Variants in SLC25A26 observed in about 807,000 individuals in gnomAD.
SLC25A26 encodes the protein mitochondrial S-adenosylmethionine carrier protein.
A neutral mutation model predicts 37.8 loss-of-function variants in SLC25A26; 36 were observed. The ratio of observed to expected loss-of-function variants is 0.95; its 90% CI spans 0.73 to 1.26. The LOEUF is 1.26. SLC25A26 is among the 50% of genes most tolerant of loss of function. The pLI is 0.00. For missense variants in SLC25A26, 390 were observed against 331.1 expected (o/e 1.18, Z -1.38); for synonymous variants, 129 against 122.5 (o/e 1.05, Z -0.35).
At chr3:66,237,873 C>G (rs1048642753) in intron 2 of SLC25A26, among the ~76,000 whole-genome samples, 4 of 152,068 alleles carry the variant, frequency 2.6e-5, no homozygotes, top group African/African-American at 4.8e-5. Context: ...TTTTCTCTTA[C>G]GTTAACCTGA....
At chr3:66,287,295 CAA>C (rs532447022) in intron 5 of SLC25A26, among the ~76,000 whole-genome samples, 23 of 92,076 alleles carry the variant, frequency 2.5e-4, no homozygotes, top group Admixed American at 3.6e-4. Context: ...GACTCCGTCT[CAA>C]AAAAAAAAAA....
chr3:66,376,280 A>T (rs534782352), intron 9 of SLC25A26, among the ~76,000 whole-genome samples: 1 of 152,204 alleles, frequency 6.6e-6, no homozygotes, highest in Admixed American at 6.5e-5. Context: ...AGTTGAGAAA[A>T]CAGTGGCAGA....
chr3:66,359,208 A>G (rs76391651), intron 6 of SLC25A26, among the ~76,000 whole-genome samples: 13 of 151,908 alleles, frequency 8.6e-5, no homozygotes, highest in East Asian at 3.9e-4. Context: ...CTGGCAACCA[A>G]TTTTTTTCTC....
At position 66,262,073 on chromosome 3, in the gene SLC25A26, C is replaced by T; in HGVS notation, c.323C>T (p.Pro108Leu). Residue 108 changes from proline (P) to leucine (L), a missense_variant, in exon 4 of 10, where the codon CCA (proline) becomes CTA (leucine). Coordinates refer to ENST00000354883, the MANE Select transcript of SLC25A26 (RefSeq NM_001379210.1). Reference sequence around the variant, plus strand: ...TAGGTTGCCTGCCTGATTCGAGTTCCATCTGAAGTGGTTAAGCAGAGGGCA... The same window carrying T: ...TAGGTTGCCTGCCTGATTCGAGTTCTATCTGAAGTGGTTAAGCAGAGGGCA... Reference protein sequence around the residue: ...GEVVACLIRVPSEVVKQRAQV... With the variant: ...GEVVACLIRVLSEVVKQRAQV... 1 of 1,585,978 alleles carries T rather than the reference C, an allele frequency of 6.3e-7. No individual in the cohort carries two copies. The highest frequency in any genetic ancestry group is 2.3e-5 in the East Asian group (1 of 44,314).
At chr3:66,255,948 T>C (rs2073282234) in intron 3 of SLC25A26, among the ~76,000 whole-genome samples, 1 of 152,194 alleles carries the variant, frequency 6.6e-6, no homozygotes, top group Non-Finnish European at 1.5e-5. Flanking sequence ...GGAGAGGCTT[T>C]TCAAAGTTTT....
chr3:66,264,837 C>T (rs1240599596), intron 5 of SLC25A26, among the ~76,000 whole-genome samples: 2 of 152,202 alleles, frequency 1.3e-5, no homozygotes, highest in African/African-American at 4.8e-5. Context: ...TCAGTCTGGA[C>T]TGGAGTCCTG....
chr3:66,349,577 G>A (rs1247809291), intron 6 of SLC25A26, among the ~76,000 whole-genome samples: 3 of 151,972 alleles, frequency 2.0e-5, no homozygotes, highest in Admixed American at 2.0e-4. Context: ...ATATGTGTAT[G>A]GATATGCTAC....
At chr3:66,282,632 A>C (rs972472526) in intron 5 of SLC25A26, among the ~76,000 whole-genome samples, 11 of 152,234 alleles carry the variant, frequency 7.2e-5, no homozygotes, top group African/African-American at 2.7e-4. Flanking sequence ...GCAGAAAAAA[A>C]AATTAAATTA....
intron 1 of SLC25A26, among the ~76,000 whole-genome samples, chr3:66,165,293 C>T (rs1195675709): frequency 3.3e-5 from 5 of 152,232 alleles, no homozygotes; most frequent in Non-Finnish European, 7.3e-5. Flanking sequence ...GATATCTTGA[C>T]TGCAACCTCA....
intron 1 of SLC25A26, among the ~76,000 whole-genome samples, chr3:66,153,946 G>A (rs1690667233): frequency 6.6e-6 from 1 of 152,166 alleles, no homozygotes; most frequent in African/African-American, 2.4e-5. Context: ...CTTTCTGTCC[G>A]TAATGTGAGA....
Position 66,336,389 on chromosome 3 carries a change from T to TG in SLC25A26, c.454-9972dup, listed in dbSNP as rs145666606. Among the ~76,000 whole-genome samples the TG allele has an allele frequency of 3.7e-3, 566 of 152,056 alleles. 5 individuals are homozygous for TG. Among genetic ancestry groups the TG allele is most frequent in the African/African-American group, 0.013 (529 of 41,488 alleles). On this transcript the variant is annotated intron_variant, in intron 5 of 9. Coordinates refer to ENST00000354883, the MANE Select transcript of SLC25A26 (RefSeq NM_001379210.1). ...GCTGAAAGGGAAGGAAAGTTGGGGG[T>TG]GGGAAAGACAATGGAACTGTACACA... is the stretch of plus-strand genomic sequence containing the variant.
intron 5 of SLC25A26, among the ~76,000 whole-genome samples, chr3:66,286,513 T>A (rs1305750685): frequency 6.6e-6 from 1 of 152,142 alleles, no homozygotes; most frequent in African/African-American, 2.4e-5. Context: ...CAGATTTGTA[T>A]GGGTCTGTAG....
intron 5 of SLC25A26, among the ~76,000 whole-genome samples, chr3:66,311,278 A>G (rs1229082231): frequency 2.0e-5 from 3 of 151,836 alleles, no homozygotes; most frequent in African/African-American, 4.8e-5. Context: ...TGCTTGATCG[A>G]TTCGGCTATT....
At position 66,159,397 on chromosome 3, in the gene SLC25A26, C is replaced by A. The variant is rs1440448307; in HGVS notation, c.-354+25413C>A. The stretch of plus-strand genomic sequence containing the variant: ...CCTGGTGTTTTTCATTACTGTTTTA[C>A]AGACTGGAAGAAAATAGATTTTGTG... On this transcript the variant is annotated intron_variant, in intron 1 of 10. Transcript: ENST00000676754. 6.6e-5 allele frequency among the ~76,000 whole-genome samples: 10 copies of A among 152,200 alleles called. No individual in the cohort carries two copies. The East Asian group carries it at 1.7e-3, about 26-fold the overall frequency.
intron 5 of SLC25A26, among the ~76,000 whole-genome samples, chr3:66,335,343 A>G (rs1055319570): frequency 1.4e-4 from 21 of 152,228 alleles, no homozygotes; most frequent in Non-Finnish European, 2.9e-5. Context: ...TGGGATGTGT[A>G]TCTGTGCATA....
chr3:66,234,319 C>T (rs1296708875), intron 1 of SLC25A26, among the ~76,000 whole-genome samples: 1 of 152,180 alleles, frequency 6.6e-6, no homozygotes, highest in Non-Finnish European at 1.5e-5. Flanking sequence ...GACAATTGGC[C>T]TTTTTACTTT....
rs1022829427 is a variant in SLC25A26, at chr3:66,378,714, C to T, written c.*907C>T. 6 of 152,444 alleles carry T rather than the reference C, an allele frequency of 3.9e-5. No homozygotes were observed. The highest frequency in any genetic ancestry group is 7.4e-5 in the Non-Finnish European group (5 of 68,012). The allele number at this position is 152,444 out of a possible 1,614,324, so 9.4% of individuals were successfully genotyped here. ...AAACAAACAGTATGTGATTTTGCTT[C>T]GCCTATTTTTTTTTTCTTTTTTGGG... is the stretch of plus-strand genomic sequence containing the variant. On this transcript the variant is annotated 3_prime_UTR_variant, in exon 10 of 10. Transcript: ENST00000354883.
intron 1 of SLC25A26, among the ~76,000 whole-genome samples, chr3:66,141,266 T>A (rs978137391): frequency 1.7e-4 from 26 of 151,328 alleles, no homozygotes; most frequent in African/African-American, 6.3e-4. Flanking sequence ...TACCAAATAT[T>A]TTTTTCTAAT....
At chr3:66,246,437 A>G (rs1486221931) in intron 3 of SLC25A26, among the ~76,000 whole-genome samples, 2 of 152,216 alleles carry the variant, frequency 1.3e-5, no homozygotes, top group Admixed American at 1.3e-4. Flanking sequence ...TTAATCATAC[A>G]TCTTTTTATT....
Sources: allele counts gnomAD v4.1 joint callset (sites outside exome capture counted in the v4.1 genomes callset), GRCh38; gene constraint gnomAD v4.1.1; transcripts MANE v1.5; gene names NCBI Gene and HGNC (gene_info 2026-07-23, HGNC 2026-07-21).